MTUS2: variants seen among roughly 807,000 people sequenced by gnomAD.
The protein encoded by MTUS2 is microtubule associated scaffold protein 2, also known as microtubule-associated tumor suppressor candidate 2.
MTUS2 carries 40 observed loss-of-function variants against 114.1 expected under a neutral mutation model. The observed-to-expected ratio is 0.35, with a 90% CI of 0.27 to 0.46. The LOEUF (loss-of-function observed/expected upper bound fraction) is 0.46, where lower values mean the gene tolerates loss of function less well. MTUS2 is among the 20% of genes least tolerant of loss of function. The pLI, the probability that MTUS2 is intolerant of heterozygous loss-of-function variation, is 1.00. For synonymous variants in MTUS2, 688 were observed against 672.0 expected (o/e 1.02, Z -0.37); for missense variants, 1,679 against 1,705.4 (o/e 0.98, Z 0.27).
At chr13:29,438,954 T>C (rs555827129) in intron 8 of MTUS2, among the ~76,000 whole-genome samples, 51 of 152,152 alleles carry the variant, frequency 3.4e-4, no homozygotes, top group Non-Finnish European at 6.3e-4. Context: ...GAGAACTGTC[T>C]GGTCACATTC....
In MTUS2 at chr13:29,189,323, C is replaced by T. The variant is rs556364776; in HGVS notation, c.2644+88353C>T. 4.1e-4 allele frequency among the ~76,000 whole-genome samples: 63 copies of T among 152,240 alleles called. 1 individual carries two copies. The South Asian group carries it at 6.8e-3, about 17-fold the overall frequency. The stretch of plus-strand genomic sequence containing the variant: ...CAAAATTAATTTCCTTTGTTGTGGA[C>T]ATCTTTTTTATTCCTAAAGAAGAGG... On this transcript the variant is annotated intron_variant, in intron 5 of 15. Coordinates refer to ENST00000612955, the MANE Select transcript of MTUS2 (RefSeq NM_001033602.4).
At chr13:29,293,802 A>T (rs1210973819) in intron 6 of MTUS2, among the ~76,000 whole-genome samples, 1 of 152,170 alleles carries the variant, frequency 6.6e-6, no homozygotes. Context: ...TGTCCATAAC[A>T]TGTCATTAAA....
At position 29,265,702 on chromosome 13, in the gene MTUS2, A is replaced by T. The variant is rs145191562; in HGVS notation, c.2645-16002A>T. On this transcript the variant is annotated intron_variant, in intron 5 of 15. Transcript: ENST00000612955. ...GGCAGAAGGCTAAGCGGGAGCAGGA[A>T]CCTTACATGGCAAAAGCAGGAGCAA... Among the ~76,000 whole-genome samples, 306 of 152,308 alleles carry T rather than the reference A, an allele frequency of 2.0e-3. 1 individual carries two copies. Among genetic ancestry groups the T allele is most frequent in the African/African-American group, 7.2e-3 (298 of 41,552 alleles).
chr13:29,088,784 A>G (rs1889810739), intron 4 of MTUS2, among the ~76,000 whole-genome samples: 1 of 152,174 alleles, frequency 6.6e-6, no homozygotes, highest in Admixed American at 6.5e-5. Flanking sequence ...TAAAAATAGC[A>G]ACCCCTGTTC....
chr13:29,141,753 G>T lies in MTUS2; in HGVS notation c.2644+40783G>T, dbSNP rs771862805. ...AATATGTGTAATGAGCATAAAATTTGTGCAAAACACTGTTCTATGTGCTAA... is the reference window on the plus strand; with the variant it reads ...AATATGTGTAATGAGCATAAAATTTTTGCAAAACACTGTTCTATGTGCTAA... On this transcript the variant is annotated intron_variant, in intron 5 of 15. Coordinates refer to ENST00000612955, the MANE Select transcript of MTUS2 (RefSeq NM_001033602.4). Among the ~76,000 whole-genome samples, 3 of 152,114 alleles carry T rather than the reference G, an allele frequency of 2.0e-5. No individual in the cohort carries two copies. In the East Asian group the frequency reaches 5.8e-4, roughly 29 times the overall value.
At chr13:29,197,057 T>C (rs1330541161) in intron 5 of MTUS2, among the ~76,000 whole-genome samples, 2 of 152,052 alleles carry the variant, frequency 1.3e-5, no homozygotes, top group African/African-American at 4.8e-5. Context: ...GGGTGTACAA[T>C]TTTTTTTATT....
At chr13:29,349,349 A>G (rs1869022870) in intron 7 of MTUS2, among the ~76,000 whole-genome samples, 2 of 152,062 alleles carry the variant, frequency 1.3e-5, no homozygotes, top group South Asian at 2.1e-4. Context: ...TTGTGATTAT[A>G]TATTTTGCTT....
At chr13:29,001,136 C>T (rs1351105969) in intron 2 of MTUS2, among the ~76,000 whole-genome samples, 1 of 152,174 alleles carries the variant, frequency 6.6e-6, no homozygotes, top group Non-Finnish European at 1.5e-5. Flanking sequence ...GCTCTTCTTG[C>T]CCTTTTTGCT....
At chr13:29,378,285 ATAAAT>A (rs1263164854) in intron 8 of MTUS2, among the ~76,000 whole-genome samples, 1 of 112,436 alleles carries the variant, frequency 8.9e-6, no homozygotes, top group Non-Finnish European at 2.1e-5. Context: ...AATTTTTATA[ATAAAT>A]TAAAAAAAGA....
intron 5 of MTUS2, among the ~76,000 whole-genome samples, chr13:29,247,060 A>AAT (rs1435373384): frequency 6.6e-6 from 1 of 152,238 alleles, no homozygotes; most frequent in Non-Finnish European, 1.5e-5. Flanking sequence ...CTGGTATGAA[A>AAT]ATATGCACAC....
rs144364120 is a variant in MTUS2, at chr13:28,942,456, T to G, written c.-242-82001T>G. 3.0e-3 allele frequency among the ~76,000 whole-genome samples: 452 copies of G among 152,354 alleles called. 3 individuals carry two copies. Among genetic ancestry groups the G allele is most frequent in the African/African-American group, 0.01 (431 of 41,576 alleles). On this transcript the variant is annotated intron_variant, in intron 2 of 15. Transcript: ENST00000612955. Reference sequence around the variant, plus strand: ...CATGCCTTATAGACTAGTAATTACATTTTTAGGAATATAACTAACAAATAT... The same window carrying G: ...CATGCCTTATAGACTAGTAATTACAGTTTTAGGAATATAACTAACAAATAT...
chr13:29,064,962 C>G (rs1358274130), intron 4 of MTUS2, among the ~76,000 whole-genome samples: 1 of 152,190 alleles, frequency 6.6e-6, no homozygotes, highest in East Asian at 1.9e-4. Context: ...TGATCTCATT[C>G]TTTTTTATGA....
intron 5 of MTUS2, among the ~76,000 whole-genome samples, chr13:29,206,024 T>A (rs1452551309): frequency 1.3e-5 from 2 of 152,180 alleles, no homozygotes; most frequent in Non-Finnish European, 2.9e-5. Flanking sequence ...TACATTCCCA[T>A]CAGCAATATA....
intron 11 of MTUS2, among the ~76,000 whole-genome samples, chr13:29,491,856 GCCA>G (rs1196733566): frequency 2.0e-5 from 3 of 147,328 alleles, no homozygotes; most frequent in East Asian, 2.1e-4. Flanking sequence ...TGTGGCATGT[GCCA>G]TGTATGTGAT....
chr13:28,845,755 A>T (rs937085399), intron 2 of MTUS2, among the ~76,000 whole-genome samples: 1 of 151,768 alleles, frequency 6.6e-6, no homozygotes, highest in Non-Finnish European at 1.5e-5. Flanking sequence ...GACGATGTAG[A>T]CTTTGGTGAC....
At chr13:29,035,887 G>A (rs1380405150) in intron 4 of MTUS2, among the ~76,000 whole-genome samples, 3 of 152,130 alleles carry the variant, frequency 2.0e-5, no homozygotes, top group East Asian at 1.9e-4. Context: ...GCTCACGACT[G>A]TAATCCCAGC....
chr13:29,065,453 G>A (rs1488147470), intron 4 of MTUS2, among the ~76,000 whole-genome samples: 1 of 151,746 alleles, frequency 6.6e-6, no homozygotes, highest in Non-Finnish European at 1.5e-5. Flanking sequence ...TGTTCATATC[G>A]TTTGCATGCT....
At chr13:29,223,585 A>G (rs1472801227) in intron 5 of MTUS2, among the ~76,000 whole-genome samples, 7 of 152,206 alleles carry the variant, frequency 4.6e-5, no homozygotes, top group Admixed American at 4.6e-4. Context: ...CACTCAATAA[A>G]GCACCTCTTT....
At chr13:29,163,345 A>C (rs1267075818) in intron 5 of MTUS2, among the ~76,000 whole-genome samples, 2 of 152,086 alleles carry the variant, frequency 1.3e-5, no homozygotes, top group South Asian at 2.1e-4. Context: ...GAGGGCTGAC[A>C]GTGGTGTATG....
Sources: gnomAD v4.1 joint callset for allele counts (sites outside exome capture counted in the v4.1 genomes callset) on GRCh38, gnomAD v4.1.1 for gene constraint, MANE v1.5 for transcripts, NCBI Gene and HGNC (gene_info 2026-07-23, HGNC 2026-07-21) for gene names.